FLVCR1: variants seen among roughly 807,000 people sequenced by gnomAD.
FLVCR1 encodes choline/ethanolamine transporter FLVCR1.
A neutral mutation model predicts 53.6 loss-of-function variants in FLVCR1; 34 were observed. That is an observed-to-expected ratio of 0.63 (90% CI 0.48 to 0.84). FLVCR1 has a LOEUF of 0.84. Ranked by LOEUF, FLVCR1 falls within the 40% of genes least tolerant of loss-of-function variation. FLVCR1 has a pLI of 0.00. For synonymous variants in FLVCR1, 300 were observed against 286.3 expected, an observed-to-expected ratio of 1.05 and a Z score of -0.48; for missense variants, 677 against 696.7, an observed-to-expected ratio of 0.97 and a Z score of 0.32.
intron 6 of FLVCR1, 89 bp from the exon 7 acceptor site, chr1:212,888,400 G>A: frequency 2.2e-6 from 2 of 909,074 alleles, no homozygotes; most frequent in South Asian, 2.6e-5. Context: ...TTGGTCATTA[G>A]AATAAGCCCG....
intron 8 of FLVCR1, among the ~76,000 whole-genome samples, chr1:212,893,065 T>TGGG (rs71495079): frequency 2.1e-4 from 30 of 142,380 alleles, no homozygotes; most frequent in East Asian, 9.1e-4. Flanking sequence ...TCTTTTTTTT[T>TGGG]GGGGGGGGGT....
At position 212,898,816 on chromosome 1, in the gene FLVCR1, C is replaced by G. The variant is rs1665405997; in HGVS notation, c.*3526C>G. ...GCACACCTGGGCTAGATGGCAAAGTCTGTCGCTTCTGGGCTACAGACCTGT... is the reference window on the plus strand; with the variant it reads ...GCACACCTGGGCTAGATGGCAAAGTGTGTCGCTTCTGGGCTACAGACCTGT... On this transcript the variant is annotated 3_prime_UTR_variant, in exon 10 of 10. Coordinates refer to ENST00000366971, the MANE Select transcript of FLVCR1 (RefSeq NM_014053.4). The G allele has an allele frequency of 6.6e-6, 1 of 152,242 alleles. No homozygotes were observed. The highest frequency in any genetic ancestry group is 1.5e-5 in the Non-Finnish European group (1 of 68,054). 9.4% of individuals were successfully genotyped at this position (152,242 alleles called of 1,614,324 possible). A position where few individuals can be genotyped will look rare whatever the true frequency, so the allele number is the denominator to read the frequency against.
chr1:212,892,842 C>T (rs553231713), intron 8 of FLVCR1, among the ~76,000 whole-genome samples: 22 of 152,076 alleles, frequency 1.4e-4, no homozygotes, highest in African/African-American at 5.1e-4. Context: ...ATTCTTGATT[C>T]ATGGGAGGAG....
chr1:212,865,470 C>T (rs1664384546), intron 2 of FLVCR1, among the ~76,000 whole-genome samples: 2 of 136,834 alleles, frequency 1.5e-5, no homozygotes. Flanking sequence ...AATGGACCTT[C>T]CATTTGCAAT....
At chr1:212,885,216 A>G in intron 4 of FLVCR1, 77 bp from the exon 5 acceptor site, 1 of 978,414 alleles carries the variant, frequency 1.0e-6, no homozygotes, top group Non-Finnish European at 1.7e-6. Flanking sequence ...ATTGACTATG[A>G]AAAGGTGTGG....
chr1:212,885,568 T>TC (rs1558119109), intron 5 of FLVCR1, 172 bp downstream of exon 5: 1 of 459,308 alleles, frequency 2.2e-6, no homozygotes, highest in Non-Finnish European at 3.9e-6. Flanking sequence ...TTTTTTTTTT[T>TC]GAGACGGAGT....
intron 2 of FLVCR1, among the ~76,000 whole-genome samples, 191 bp downstream of exon 2, chr1:212,864,060 A>G (rs1664336896): frequency 6.6e-6 from 1 of 152,124 alleles, no homozygotes. Context: ...TTATTTTCAC[A>G]TTGTGAAGGG....
Position 212,858,382 on chromosome 1 carries a change from G to C in FLVCR1, c.-71G>C, listed in dbSNP as rs1293787839. 1 of 1,369,080 alleles carries C rather than the reference G, an allele frequency of 7.3e-7. No homozygotes were observed. Among genetic ancestry groups the C allele is most frequent in the African/African-American group, 1.5e-5 (1 of 67,650 alleles). The allele number at this position is 1,369,080 out of a possible 1,614,324, so 84.8% of individuals were successfully genotyped here. A position where few individuals can be genotyped will look rare whatever the true frequency, so the allele number is the denominator to read the frequency against. The stretch of plus-strand genomic sequence containing the variant: ...GGAGGTGGGGCCCCAGGAGGACCTC[G>C]GGCTGTGGGCCGGGAGAGCGGAGTC... On this transcript the variant is annotated 5_prime_UTR_variant, in exon 1 of 10. Coordinates refer to ENST00000366971, the MANE Select transcript of FLVCR1 (RefSeq NM_014053.4).
At chr1:212,865,702 A>G (rs4418676) in intron 2 of FLVCR1, among the ~76,000 whole-genome samples, 104,491 of 151,630 alleles carry the variant, frequency 0.69, 37,544 homozygotes, top group East Asian at 1. Context: ...GGTTGGTCTC[A>G]AACTCCTGAC....
rs369869680 is a variant in FLVCR1 at position 212,889,238 on chromosome 1, T to G, written c.1506T>G (p.Phe502Leu). 19 of 1,610,850 alleles carry G rather than the reference T, an allele frequency of 1.2e-5. No individual in the cohort carries two copies. The African/African-American group carries it at 2.3e-4, about 19-fold the overall frequency. ...ACATTTTTCTCTGTGTCTGGATGTT[T>G]ATAGGCATCATATTAACAGGTAAAT... The part of the protein sequence containing the change: ...AGNIFLCVWM[F>L]IGIILTALIK... Residue 502 changes from phenylalanine (F) to leucine (L), a missense_variant, in exon 8 of 10, where the codon TTT becomes TTG. By Grantham distance (22) the Phe-to-Leu change is conservative. Coordinates refer to ENST00000366971, the MANE Select transcript of FLVCR1 (RefSeq NM_014053.4).
intron 3 of FLVCR1, among the ~76,000 whole-genome samples, chr1:212,875,754 T>C (rs1360183434): frequency 6.6e-6 from 1 of 150,586 alleles, no homozygotes; most frequent in Non-Finnish European, 1.5e-5. Context: ...GGCAGGAGAA[T>C]CGCTTGAACC....
intron 3 of FLVCR1, among the ~76,000 whole-genome samples, chr1:212,881,342 A>C (rs549395427): frequency 4.6e-4 from 41 of 89,810 alleles, no homozygotes; most frequent in Non-Finnish European, 8.2e-4. Flanking sequence ...CACTCTGTCG[A>C]ATTTCTTTTT....
In FLVCR1 at chr1:212,893,212, C is replaced by T. The variant is rs938516448; in HGVS notation, c.1526-1774C>T. On this transcript the variant is annotated intron_variant, in intron 8 of 9. Transcript: ENST00000366971. ...CTGGGACTACAGGTGCCCGCCACCA[C>T]GCCCGGCTAATTTTTTGTATTTTTT... 8.5e-5 allele frequency among the ~76,000 whole-genome samples: 13 copies of T among 152,050 alleles called. No homozygotes were observed. The East Asian group carries it at 1.9e-3, about 23-fold the overall frequency.
At chr1:212,876,791 G>A (rs1381709980) in intron 3 of FLVCR1, among the ~76,000 whole-genome samples, 6 of 152,206 alleles carry the variant, frequency 3.9e-5, no homozygotes, top group Non-Finnish European at 2.9e-5. Flanking sequence ...GAGTGCTGCA[G>A]TGAACATACA....
chr1:212,864,892 G>A (rs1160628713), intron 2 of FLVCR1, among the ~76,000 whole-genome samples: 1 of 152,156 alleles, frequency 6.6e-6, no homozygotes, highest in Non-Finnish European at 1.5e-5. Context: ...CAGGATCCAG[G>A]TACAGGAAGC....
intron 5 of FLVCR1, among the ~76,000 whole-genome samples, chr1:212,886,684 C>T (rs1268590722): frequency 1.3e-5 from 2 of 152,018 alleles, no homozygotes; most frequent in Non-Finnish European, 2.9e-5. Flanking sequence ...CCTGTAATCC[C>T]AGCTACTCAG....
chr1:212,893,672 G>A lies in FLVCR1; in HGVS notation c.1526-1314G>A, dbSNP rs571771052. Among the ~76,000 whole-genome samples the A allele has an allele frequency of 3.8e-3, 579 of 152,294 alleles. 9 individuals are homozygous for A. Among genetic ancestry groups the A allele is most frequent in the African/African-American group, 0.013 (555 of 41,564 alleles). Reference sequence around the variant, plus strand: ...CTTTTAGCAACCACCACCCTGATCTGTCAGCAGCCATCAACATCAAGGCAA... The same window carrying A: ...CTTTTAGCAACCACCACCCTGATCTATCAGCAGCCATCAACATCAAGGCAA... On this transcript the variant is annotated intron_variant, in intron 8 of 9. Coordinates refer to ENST00000366971, the MANE Select transcript of FLVCR1 (RefSeq NM_014053.4).
chr1:212,871,935 T>C (rs1223193953), intron 2 of FLVCR1, among the ~76,000 whole-genome samples: 3 of 152,186 alleles, frequency 2.0e-5, no homozygotes, highest in African/African-American at 7.2e-5. Flanking sequence ...CTCAAGTGAG[T>C]TAGCAAGACC....
intron 2 of FLVCR1, among the ~76,000 whole-genome samples, chr1:212,866,783 G>A (rs1664447522): frequency 6.6e-6 from 1 of 152,092 alleles, no homozygotes; most frequent in African/African-American, 2.4e-5. Flanking sequence ...TGGGAAATAT[G>A]GCATTAAACA....
Sources: gnomAD v4.1 joint callset for allele counts (sites outside exome capture counted in the v4.1 genomes callset) on GRCh38, gnomAD v4.1.1 for gene constraint, MANE v1.5 for transcripts, NCBI Gene and HGNC (gene_info 2026-07-23, HGNC 2026-07-21) for gene names.